Variants in GYS2 observed in about 807,000 individuals in gnomAD.
GYS2 encodes glycogen [starch] synthase, liver.
A neutral mutation model predicts 85.6 loss-of-function variants in GYS2; 80 were observed. The ratio of observed to expected loss-of-function variants is 0.93; its 90% CI spans 0.78 to 1.13. The LOEUF is 1.13. GYS2 is among the 50% of genes most tolerant of loss of function. GYS2 has a pLI of 0.00. For missense variants in GYS2, 881 were observed against 854.9 expected (o/e 1.03, Z -0.38); for synonymous variants, 328 against 300.7 (o/e 1.09, Z -0.94).
chr12:21,582,634 GATATAT>G (rs1407694940), intron 1 of GYS2, among the ~76,000 whole-genome samples: 4 of 113,824 alleles, frequency 3.5e-5, no homozygotes, highest in Admixed American at 9.1e-5. Context: ...TATAGATATA[GATATAT>G]ATCTCCTATT....
intron 11 of GYS2, among the ~76,000 whole-genome samples, chr12:21,556,460 C>T (rs1016682043): frequency 3.9e-5 from 6 of 152,166 alleles, no homozygotes; most frequent in African/African-American, 1.2e-4. Context: ...TGTGAAGCAC[C>T]GCACCCAGCC....
At chr12:21,574,090 C>G (rs898261292) in intron 4 of GYS2, 54 bp downstream of exon 4, 1 of 1,348,740 alleles carries the variant, frequency 7.4e-7, no homozygotes, top group Admixed American at 1.7e-5. Flanking sequence ...TATCTTTCAG[C>G]TTCAGCAATC....
intron 2 of GYS2, among the ~76,000 whole-genome samples, chr12:21,578,691 G>A (rs958175629): frequency 3.9e-5 from 6 of 151,998 alleles, no homozygotes; most frequent in Middle Eastern, 3.2e-3. Flanking sequence ...CTTGTATCTA[G>A]TATTTGCATT....
At position 21,563,217 on chromosome 12, in the gene GYS2, G is replaced by T; in HGVS notation, c.941+11C>A. 6.7e-7 allele frequency: 1 copy of T among 1,483,232 alleles called. No homozygotes were observed. The highest frequency in any genetic ancestry group is 9.4e-7 in the Non-Finnish European group (1 of 1,060,902). 91.9% of individuals were successfully genotyped at this position (1,483,232 alleles called of 1,614,324 possible). ...GATACTTCTTTTTCTTTTTAATAAA[G>T]AAAATCATACCCATAGAAATGACCT... is the stretch of plus-strand genomic sequence containing the variant. On this transcript the variant is annotated intron_variant, in intron 6 of 15. Transcript: ENST00000261195.
intron 12 of GYS2, among the ~76,000 whole-genome samples, chr12:21,543,767 G>T (rs192434243): frequency 1.5e-3 from 232 of 152,206 alleles, no homozygotes; most frequent in African/African-American, 5.4e-3. Flanking sequence ...GACAGGCCCC[G>T]ATGTGTGATG....
At chr12:21,554,239 G>C (rs1274051666) in intron 11 of GYS2, among the ~76,000 whole-genome samples, 3 of 151,868 alleles carry the variant, frequency 2.0e-5, no homozygotes, top group Non-Finnish European at 4.4e-5. Context: ...AGGAAGGGAA[G>C]GAGAGAGGCA....
intron 12 of GYS2, among the ~76,000 whole-genome samples, chr12:21,545,672 C>T (rs1944030177): frequency 6.6e-6 from 1 of 152,048 alleles, no homozygotes; most frequent in African/African-American, 2.4e-5. Context: ...CATAGTAAAC[C>T]TGAGAAACTA....
intron 4 of GYS2, among the ~76,000 whole-genome samples, chr12:21,570,025 T>C (rs953043132): frequency 6.6e-6 from 1 of 152,182 alleles, no homozygotes; most frequent in African/African-American, 2.4e-5. Context: ...TTTTATATCA[T>C]TGAGACTTCA....
At chr12:21,546,629 G>T (rs140001111) in intron 11 of GYS2, among the ~76,000 whole-genome samples, 159 bp from the exon 12 acceptor site, 2 of 152,114 alleles carry the variant, frequency 1.3e-5, no homozygotes, top group African/African-American at 2.4e-5. Flanking sequence ...GAAAAAAGCC[G>T]TGGTGGTTTG....
At chr12:21,545,987 C>T (rs1486946037) in intron 12 of GYS2, among the ~76,000 whole-genome samples, 1 of 152,052 alleles carries the variant, frequency 6.6e-6, no homozygotes, top group African/African-American at 2.4e-5. Flanking sequence ...TATATTAATC[C>T]TACTTACAGT....
chr12:21,581,872 A>G (rs1944513707), intron 1 of GYS2, among the ~76,000 whole-genome samples: 1 of 152,216 alleles, frequency 6.6e-6, no homozygotes, highest in Non-Finnish European at 1.5e-5. Context: ...AAATGGGGGT[A>G]AAATAATATT....
intron 1 of GYS2, among the ~76,000 whole-genome samples, chr12:21,589,551 C>G (rs1565611143): frequency 6.6e-6 from 1 of 152,084 alleles, no homozygotes; most frequent in Non-Finnish European, 1.5e-5. Flanking sequence ...TTCTGGAATT[C>G]AACAGAGAAG....
At position 21,539,244 on chromosome 12, in the gene GYS2, C is replaced by T; in HGVS notation, c.1890+14G>A. On this transcript the variant is annotated intron_variant, in intron 15 of 15. Coordinates refer to ENST00000261195, the MANE Select transcript of GYS2 (RefSeq NM_021957.4). The stretch of plus-strand genomic sequence containing the variant: ...GAAATATAGCTTTCAAAAAAAAATA[C>T]ATTGAATATTTACCGTTGGTGGTGA... The T allele has an allele frequency of 2.1e-6, 3 of 1,429,820 alleles. No individual in the cohort carries two copies. The highest frequency in any genetic ancestry group is 3.0e-6 in the Non-Finnish European group (3 of 1,014,134). The allele number at this position is 1,429,820 out of a possible 1,614,324, so 88.6% of individuals were successfully genotyped here.
intron 1 of GYS2, among the ~76,000 whole-genome samples, chr12:21,590,818 A>G (rs989849850): frequency 6.6e-6 from 1 of 152,116 alleles, no homozygotes; most frequent in Non-Finnish European, 1.5e-5. Flanking sequence ...CCTCATCACC[A>G]CCTTCACTAA....
chr12:21,599,119 T>C (rs1944727398), intron 1 of GYS2, among the ~76,000 whole-genome samples: 1 of 152,032 alleles, frequency 6.6e-6, no homozygotes, highest in Admixed American at 6.6e-5. Context: ...TCTCTATATA[T>C]ATGTATACAC....
intron 14 of GYS2, 100 bp downstream of exon 14, chr12:21,540,310 T>G: frequency 9.7e-7 from 1 of 1,034,118 alleles, no homozygotes; most frequent in East Asian, 2.4e-5. Flanking sequence ...TTAACAATTA[T>G]AATATTGGAT....
intron 1 of GYS2, among the ~76,000 whole-genome samples, chr12:21,582,130 A>G (rs1372541643): frequency 2.0e-5 from 3 of 152,212 alleles, no homozygotes; most frequent in Non-Finnish European, 4.4e-5. Context: ...CAGAATCTAC[A>G]AGGAACTCAA....
downstream of GYS2, among the ~76,000 whole-genome samples, chr12:21,533,339 C>T (rs942577314): frequency 1.5e-4 from 23 of 152,130 alleles, no homozygotes; most frequent in Admixed American, 1.4e-3. Context: ...AGATTAGCCT[C>T]CAGCTTGCAT....
In GYS2 at chr12:21,551,025, TA is replaced by T. The variant is rs1333938199; in HGVS notation, c.1423-4556del. On this transcript the variant is annotated intron_variant, in intron 11 of 15. Transcript: ENST00000261195. ...TCTTTTTTTTTTAATTTTTTTTTAT[TA>T]TACTTTAAGTTTTAGGGTACATGTG... Among the ~76,000 whole-genome samples, 151 of 152,046 alleles carry T rather than the reference TA, an allele frequency of 9.9e-4. 1 individual carries two copies. The highest frequency in any genetic ancestry group is 7.1e-4 in the Non-Finnish European group (48 of 67,966).
Sources: allele counts gnomAD v4.1 joint callset (sites outside exome capture counted in the v4.1 genomes callset), GRCh38; gene constraint gnomAD v4.1.1; transcripts MANE v1.5; gene names NCBI Gene and HGNC (gene_info 2026-07-23, HGNC 2026-07-21).